DPP6: variants seen among roughly 807,000 people sequenced by gnomAD.
The protein encoded by DPP6 is A-type potassium channel modulatory protein DPP6.
DPP6 carries 69 observed loss-of-function variants against 122.6 expected under a neutral mutation model. The ratio of observed to expected loss-of-function variants is 0.56; its 90% confidence interval spans 0.46 to 0.69. The LOEUF is 0.69. DPP6 is among the 30% of genes least tolerant of loss of function. The pLI is 0.00. For synonymous variants in DPP6, 418 were observed against 433.1 expected (o/e 0.97, Z 0.43); for missense variants, 928 against 1,116.9 (o/e 0.83, Z 2.41).
In DPP6 at chr7:154,821,602, A is replaced by AAT. The variant is rs929102643; in HGVS notation, c.1666+14505_1666+14506dup. Among the ~76,000 whole-genome samples the AAT allele has an allele frequency of 8.8e-5, 6 of 68,250 alleles. No individual in the cohort carries two copies. The highest frequency in any genetic ancestry group is 3.6e-4 in the Admixed American group (2 of 5,518). 44.8% of individuals were successfully genotyped at this position (68,250 alleles called of 152,430 possible). On this transcript the variant is annotated intron_variant, in intron 16 of 25. Transcript: ENST00000377770. This position sits in a 1 kb window ranked among gnomAD's most constrained non-coding sequence, Gnocchi z 4.2. The stretch of plus-strand genomic sequence containing the variant: ...CAGTTTTCAAATGAAATGTTAAGTG[A>AAT]ATATATATATATATATTTTTTTTCT...
chr7:154,875,150 AAAG>A lies in DPP6; in HGVS notation c.1884-752_1884-750del, dbSNP rs753221923. ...AGAAAAGAAAGAGAGAGAGAGAAGGAAAGAAGGAGGGGAGGGAGGGAGGAAGGG... is the reference window on the plus strand; with the variant it reads ...AGAAAAGAAAGAGAGAGAGAGAAGGAAAGGAGGGGAGGGAGGGAGGAAGGG... On this transcript the variant is annotated intron_variant, in intron 19 of 25. Coordinates refer to ENST00000377770, the MANE Select transcript of DPP6 (RefSeq NM_130797.4). This position sits in a 1 kb window ranked among gnomAD's most constrained non-coding sequence, Gnocchi z 4.5. 4.6e-5 allele frequency among the ~76,000 whole-genome samples: 7 copies of A among 152,100 alleles called. No individual in the cohort carries two copies. Among genetic ancestry groups the A allele is most frequent in the Non-Finnish European group, 7.4e-5 (5 of 67,998 alleles).
intron 16 of DPP6, among the ~76,000 whole-genome samples, chr7:154,840,135 G>C (rs1801402716): frequency 6.6e-6 from 1 of 152,216 alleles, no homozygotes; most frequent in African/African-American, 2.4e-5. Flanking sequence ...ATCACAGGTA[G>C]CGCCCACCAA....
intron 1 of DPP6, among the ~76,000 whole-genome samples, chr7:154,316,837 G>A (rs1807471906): frequency 6.6e-6 from 1 of 152,150 alleles, no homozygotes; most frequent in East Asian, 1.9e-4. Context: ...GCAATGGGGG[G>A]ATTGTGGTAC....
At chr7:154,506,838 C>T (rs12533032) in intron 3 of DPP6, among the ~76,000 whole-genome samples, 39,968 of 152,130 alleles carry the variant, frequency 0.26, 5,406 homozygotes, top group Middle Eastern at 0.32. Flanking sequence ...CAGAGAAGCG[C>T]TATCAAACAT....
chr7:154,643,343 T>C (rs898767806), intron 6 of DPP6, among the ~76,000 whole-genome samples: 19 of 152,186 alleles, frequency 1.2e-4, no homozygotes, highest in African/African-American at 2.2e-4. Flanking sequence ...CAAATACTTA[T>C]TGAAATACTG....
At chr7:153,858,351 A>C in the DPP6 span, among the ~76,000 whole-genome samples, 73 of 152,198 alleles carry the variant, frequency 4.8e-4, no homozygotes, top group Non-Finnish European at 9.6e-4. Flanking sequence ...GGCAGGGTGA[A>C]GGGAACAGTT....
chr7:153,918,078 C>A (rs527647674), intron 1 of DPP6, among the ~76,000 whole-genome samples: 2 of 152,270 alleles, frequency 1.3e-5, no homozygotes, highest in African/African-American at 2.4e-5. Flanking sequence ...CACATGCACA[C>A]CTCGTGAGCT....
At chr7:153,927,534 T>C (rs1233337758) in intron 1 of DPP6, among the ~76,000 whole-genome samples, 1 of 152,212 alleles carries the variant, frequency 6.6e-6, no homozygotes, top group Non-Finnish European at 1.5e-5. Context: ...TGATATCCAT[T>C]GTAACATCTA....
chr7:154,461,174 T>C (rs918766541), intron 2 of DPP6, among the ~76,000 whole-genome samples: 2 of 152,252 alleles, frequency 1.3e-5, no homozygotes, highest in Non-Finnish European at 2.9e-5. Context: ...GTTTCATTCA[T>C]GTTGTTGCAA....
At chr7:154,519,767 T>A (rs1661181835) in intron 3 of DPP6, among the ~76,000 whole-genome samples, 1 of 152,236 alleles carries the variant, frequency 6.6e-6, no homozygotes, top group Non-Finnish European at 1.5e-5. Flanking sequence ...TATCATAGAT[T>A]CTACCTAAAA....
At chr7:154,428,180 A>C (rs1423273097) in intron 1 of DPP6, among the ~76,000 whole-genome samples, 6 of 152,214 alleles carry the variant, frequency 3.9e-5, no homozygotes, top group African/African-American at 1.2e-4. Context: ...GGAAGTATGA[A>C]TTCTTCACAG....
At chr7:154,466,192 C>A (rs919542057) in intron 2 of DPP6, among the ~76,000 whole-genome samples, 31 of 151,198 alleles carry the variant, frequency 2.1e-4, no homozygotes, top group African/African-American at 7.1e-4. Context: ...ACATCACACA[C>A]TGGGGCCTGT....
At chr7:154,613,161 A>T (rs1834015089) in intron 5 of DPP6, among the ~76,000 whole-genome samples, 2 of 152,232 alleles carry the variant, frequency 1.3e-5, no homozygotes, top group Non-Finnish European at 2.9e-5. Flanking sequence ...CTCCTTATCC[A>T]TCAGGGGGTA....
At chr7:153,959,032 A>T (rs920779825) in intron 1 of DPP6, among the ~76,000 whole-genome samples, 3 of 152,152 alleles carry the variant, frequency 2.0e-5, no homozygotes, top group African/African-American at 7.2e-5. Flanking sequence ...AGATTTTCTA[A>T]TGAGAGGCAT....
intron 7 of DPP6, among the ~76,000 whole-genome samples, chr7:154,679,353 G>T (rs567379664): frequency 6.6e-6 from 1 of 152,208 alleles, no homozygotes; most frequent in East Asian, 1.9e-4. Context: ...TGCCACGCCA[G>T]AAATTATCCC....
chr7:154,117,664 G>T (rs71532634), intron 1 of DPP6, among the ~76,000 whole-genome samples: 1 of 152,254 alleles, frequency 6.6e-6, no homozygotes, highest in African/African-American at 2.4e-5. Context: ...GTCAAATGTC[G>T]TGAGCTTAGA....
At chr7:153,964,999 T>C (rs28497714) in intron 1 of DPP6, among the ~76,000 whole-genome samples, 4,571 of 61,980 alleles carry the variant, frequency 0.074, 417 homozygotes, top group African/African-American at 0.16. Context: ...TTCCTTCCTT[T>C]CTTCCTTCCT....
At chr7:154,654,223 G>GAACCAATCT (rs1837076607) in intron 6 of DPP6, among the ~76,000 whole-genome samples, 1 of 151,816 alleles carries the variant, frequency 6.6e-6, no homozygotes, top group Non-Finnish European at 1.5e-5. Context: ...GGGTGTCCCG[G>GAACCAATCT]AACCAATCTT....
intron 1 of DPP6, among the ~76,000 whole-genome samples, chr7:154,011,518 T>A (rs1029821815): frequency 1.3e-5 from 2 of 152,128 alleles, no homozygotes; most frequent in Admixed American, 1.3e-4. Context: ...AAGAAATAAA[T>A]CTCAGTTCAT....
Sources: gnomAD v4.1 joint callset for allele counts (sites outside exome capture counted in the v4.1 genomes callset) on GRCh38, gnomAD v4.1.1 for gene constraint, Gnocchi (gnomAD v3.1) non-coding constraint, MANE v1.5 for transcripts, NCBI Gene and HGNC (gene_info 2026-07-23, HGNC 2026-07-21) for gene names.